The following DRG1 variants were observed in gnomAD, a reference collection of about 807,000 sequenced individuals.
DRG1 encodes developmentally-regulated GTP-binding protein 1.
Under a neutral mutation model 38.8 loss-of-function variants are expected in DRG1, and 19 were observed. That is an observed-to-expected ratio of 0.49 (90% CI 0.34 to 0.72). DRG1 has a LOEUF of 0.72. Among genes scored for constraint, DRG1 ranks in the 30% least tolerant of loss-of-function variants. The pLI is 0.01. For missense variants in DRG1, 299 were observed against 444.8 expected, an observed-to-expected ratio of 0.67 and a Z score of 2.95; for synonymous variants, 167 against 157.5, an observed-to-expected ratio of 1.06 and a Z score of -0.45.
Position 31,430,634 on chromosome 22 carries a change from C to T in DRG1, c.1005-3238C>T, listed in dbSNP as rs575496986. ...CAGGATGGTCTTGATCTCCTGACCTCGTGATCCGCCCGCCTCGGCCTCTCA... is the reference window on the plus strand; with the variant it reads ...CAGGATGGTCTTGATCTCCTGACCTTGTGATCCGCCCGCCTCGGCCTCTCA... On this transcript the variant is annotated intron_variant, in intron 8 of 8. Transcript: ENST00000331457. 4.2e-3 allele frequency among the ~76,000 whole-genome samples: 634 copies of T among 152,062 alleles called. 5 individuals carry two copies. The highest frequency in any genetic ancestry group is 0.014 in the African/African-American group (596 of 41,470).
At chr22:31,403,277 A>C in intron 3 of DRG1, 73 bp downstream of exon 3, 362 of 1,451,780 alleles carry the variant, frequency 2.5e-4, no homozygotes, top group Non-Finnish European at 3.1e-4. Context: ...TTGGGAGCTC[A>C]CTGTATGCCA....
At chr22:31,433,514 G>A (rs695682) in intron 8 of DRG1, among the ~76,000 whole-genome samples, 128,262 of 152,120 alleles carry the variant, frequency 0.84, 54,345 homozygotes, top group East Asian at 0.94. Flanking sequence ...CAGGTGATCC[G>A]CACCCTTCGG....
intron 8 of DRG1, among the ~76,000 whole-genome samples, chr22:31,427,491 A>C (rs1983636885): frequency 1.3e-5 from 2 of 152,194 alleles, no homozygotes; most frequent in South Asian, 4.1e-4. Flanking sequence ...TCTACTGGGT[A>C]CTGAGCCCCC....
intron 8 of DRG1, among the ~76,000 whole-genome samples, chr22:31,429,758 G>GC (rs1475138841): frequency 6.6e-6 from 1 of 151,904 alleles, no homozygotes; most frequent in Admixed American, 6.6e-5. Flanking sequence ...GCCTCAGCCT[G>GC]CCTCAGCCTC....
chr22:31,404,364 C>T (rs980371752), intron 3 of DRG1, among the ~76,000 whole-genome samples: 6 of 150,820 alleles, frequency 4.0e-5, no homozygotes, highest in African/African-American at 9.8e-5. Context: ...TTCAGCCTCC[C>T]GAGTAAGCTG....
At chr22:31,428,409 T>C (rs1225997868) in intron 8 of DRG1, among the ~76,000 whole-genome samples, 2 of 152,070 alleles carry the variant, frequency 1.3e-5, no homozygotes, top group Non-Finnish European at 2.9e-5. Context: ...GAGATGGGGT[T>C]TCACCGTGTT....
intron 5 of DRG1, among the ~76,000 whole-genome samples, chr22:31,422,449 G>T (rs2050082382): frequency 6.6e-6 from 1 of 151,974 alleles, no homozygotes; most frequent in East Asian, 1.9e-4. Flanking sequence ...AAAAAAGAAA[G>T]AAAAGAGACT....
intron 4 of DRG1, among the ~76,000 whole-genome samples, chr22:31,412,130 A>C (rs2050021405): frequency 6.6e-6 from 1 of 151,380 alleles, no homozygotes; most frequent in Non-Finnish European, 1.5e-5. Context: ...CCTCTACTAA[A>C]AATACAAAAA....
chr22:31,404,703 C>T (rs192948660), intron 3 of DRG1, among the ~76,000 whole-genome samples: 7 of 151,948 alleles, frequency 4.6e-5, no homozygotes, highest in East Asian at 1.9e-4. Context: ...CTCACTGCAA[C>T]CTCCGCCTCC....
chr22:31,412,025 C>G (rs945816190), intron 4 of DRG1, among the ~76,000 whole-genome samples: 5 of 151,914 alleles, frequency 3.3e-5, no homozygotes, highest in African/African-American at 1.2e-4. Context: ...GGCACTGTGG[C>G]TCACGCCTGT....
At position 31,423,370 on chromosome 22, in the gene DRG1, G is replaced by A; in HGVS notation, c.673G>A (p.Ala225Thr). The A allele has an allele frequency of 6.2e-7, 1 of 1,614,122 alleles. No individual in the cohort carries two copies. Among genetic ancestry groups the A allele is most frequent in the Non-Finnish European group, 8.5e-7 (1 of 1,180,030 alleles). Reference protein sequence around the residue: ...HNADVTLRSDATADDLIDVVE... With the variant: ...HNADVTLRSDTTADDLIDVVE... The stretch of plus-strand genomic sequence containing the variant: ...TGCCGATGTGACTCTACGTAGTGAT[G>A]CTACAGCTGATGACCTCATTGATGT... Residue 225 changes from alanine (A) to threonine (T), a missense_variant, in exon 6 of 9, where the codon GCT (alanine) becomes ACT (threonine). Coordinates refer to ENST00000331457, the MANE Select transcript of DRG1 (RefSeq NM_004147.4).
chr22:31,411,166 A>T (rs2050016110), intron 4 of DRG1, 85 bp downstream of exon 4: 1 of 1,432,720 alleles, frequency 7.0e-7, no homozygotes, highest in African/African-American at 1.4e-5. Context: ...TGGCTTGGAG[A>T]TTATACCACA....
At chr22:31,425,493 T>C (rs5753612) in intron 6 of DRG1, among the ~76,000 whole-genome samples, 34,220 of 150,930 alleles carry the variant, frequency 0.23, 4,975 homozygotes, top group East Asian at 0.46. Flanking sequence ...CAGGCTGTAG[T>C]GCAGTGGTGT....
chr22:31,407,295 G>A (rs1601525588), intron 3 of DRG1, among the ~76,000 whole-genome samples: 1 of 151,882 alleles, frequency 6.6e-6, no homozygotes, highest in Non-Finnish European at 1.5e-5. Flanking sequence ...GCTCATTTTC[G>A]CATCCATCTG....
At chr22:31,416,471 C>T (rs1331629785) in intron 4 of DRG1, among the ~76,000 whole-genome samples, 3 of 152,074 alleles carry the variant, frequency 2.0e-5, no homozygotes, top group East Asian at 1.9e-4. Flanking sequence ...TATCACTGGC[C>T]GTCCGGGTGT....
chr22:31,405,516 C>G (rs937065754), intron 3 of DRG1, among the ~76,000 whole-genome samples: 1 of 151,916 alleles, frequency 6.6e-6, no homozygotes, highest in African/African-American at 2.4e-5. Flanking sequence ...TTAGAAAGCC[C>G]TTGCCCTTTT....
At position 31,434,040 on chromosome 22, in the gene DRG1, A is replaced by AGTTCTTTCTG. The variant is rs1180750607; in HGVS notation, c.*73_*82dup. ...TCCCCATGATCAAGCACCCTACCCC[A>AGTTCTTTCTG]GTTCTTTCTGGTTTTGGCAGTCACT... On this transcript the variant is annotated 3_prime_UTR_variant, in exon 9 of 9. Transcript: ENST00000331457. The AGTTCTTTCTG allele has an allele frequency of 6.8e-6, 10 of 1,465,462 alleles. No homozygotes were observed. Among genetic ancestry groups the AGTTCTTTCTG allele is most frequent in the Admixed American group, 1.9e-5 (1 of 53,806 alleles). The allele number at this position is 1,465,462 out of a possible 1,614,324, so 90.8% of individuals were successfully genotyped here.
intron 4 of DRG1, among the ~76,000 whole-genome samples, chr22:31,416,048 A>G (rs1879378995): frequency 6.6e-6 from 1 of 152,054 alleles, no homozygotes; most frequent in African/African-American, 2.4e-5. Context: ...TCCAGGCACG[A>G]TGGCTCATGA....
At chr22:31,424,458 C>G (rs1363815729) in intron 6 of DRG1, among the ~76,000 whole-genome samples, 1 of 142,964 alleles carries the variant, frequency 7.0e-6, no homozygotes, top group African/African-American at 2.6e-5. Flanking sequence ...GCCTGTGTTA[C>G]TATCTTAAAT....
Sources: allele counts gnomAD v4.1 joint callset (sites outside exome capture counted in the v4.1 genomes callset), GRCh38; gene constraint gnomAD v4.1.1; transcripts MANE v1.5; gene names NCBI Gene and HGNC (gene_info 2026-07-23, HGNC 2026-07-21).